The following DSTN variants were observed in gnomAD, a reference collection of about 807,000 sequenced individuals.
The protein encoded by DSTN is destrin, actin depolymerizing factor.
A neutral mutation model predicts 16.8 loss-of-function variants in DSTN; 10 were observed. The observed-to-expected ratio is 0.60, with a 90% CI of 0.37 to 1.01. The LOEUF (loss-of-function observed/expected upper bound fraction) is 1.01, where lower values mean the gene tolerates loss of function less well. Ranked by LOEUF, DSTN falls within the 50% of genes least tolerant of loss-of-function variation. The pLI, the probability that DSTN is intolerant of heterozygous loss-of-function variation, is 0.01. For missense variants in DSTN, 141 were observed against 196.7 expected (o/e 0.72, Z 1.69); for synonymous variants, 57 against 58.9 (o/e 0.97, Z 0.14).
chr20:17,591,798 G>A (rs576981317), intron 1 of DSTN: 1 of 717,490 alleles, frequency 1.4e-6, no homozygotes, highest in South Asian at 6.3e-5. Flanking sequence ...TAGCTAGTTA[G>A]TAGAGGAATG....
chr20:17,576,452 G>A (rs1040756021), intron 1 of DSTN: 1 of 161,612 alleles, frequency 6.2e-6, no homozygotes, highest in Non-Finnish European at 1.5e-5. Context: ...CAGATCAGCC[G>A]AATCAACCCT....
chr20:17,583,489 G>A (rs888067529), intron 1 of DSTN, among the ~76,000 whole-genome samples: 1 of 152,134 alleles, frequency 6.6e-6, no homozygotes, highest in Non-Finnish European at 1.5e-5. Context: ...ATCCATGCAA[G>A]GGAAGGGAAT....
rs1270391584 is a variant in DSTN at position 17,600,826 on chromosome 20, A to G, written c.92A>G (p.Lys31Arg). 6.2e-7 allele frequency: 1 copy of G among 1,613,864 alleles called. No homozygotes were observed. The highest frequency in any genetic ancestry group is 1.1e-5 in the South Asian group (1 of 91,058). ...RKCSTPEEIK[K>R]RKKAVIFCLS... Reference sequence around the variant, plus strand: ...TGCTCCACACCAGAAGAAATCAAGAAAAGAAAGAAGGCTGTCATTTTTTGT... The same window carrying G: ...TGCTCCACACCAGAAGAAATCAAGAGAAGAAAGAAGGCTGTCATTTTTTGT... The change falls in exon 2 of 4, where the codon AAA becomes AGA. Residue 31 changes from lysine to arginine, a missense_variant. By Grantham distance (26) the Lys-to-Arg change is conservative (BLOSUM62 2). Transcript: ENST00000246069.
At position 17,609,318 on chromosome 20, in the gene DSTN, C is replaced by G. The variant is rs769932537; in HGVS notation, c.*2172C>G. ...TCTTGGGCTCCAGCAAGCCTCCTGC[C>G]TTGGCCTCCTAAAGTGCTGTGATTA... On this transcript the variant is annotated 3_prime_UTR_variant, in exon 4 of 4. Coordinates refer to ENST00000246069, the MANE Select transcript of DSTN (RefSeq NM_006870.4). The G allele has an allele frequency of 6.6e-6, 1 of 152,296 alleles. No individual in the cohort carries two copies. Among genetic ancestry groups the G allele is most frequent in the African/African-American group, 2.4e-5 (1 of 41,442 alleles). 9.4% of individuals were successfully genotyped at this position (152,296 alleles called of 1,614,324 possible).
intron 1 of DSTN, among the ~76,000 whole-genome samples, chr20:17,588,497 T>C (rs1361721815): frequency 2.6e-5 from 4 of 152,142 alleles, no homozygotes; most frequent in Admixed American, 2.6e-4. Flanking sequence ...AAAAGGAACA[T>C]TTGGCTGGGC....
intron 1 of DSTN, among the ~76,000 whole-genome samples, chr20:17,593,371 G>A (rs368307726): frequency 6.6e-6 from 1 of 152,006 alleles, no homozygotes; most frequent in African/African-American, 2.4e-5. Context: ...ACTGATCTTT[G>A]ATTTTTTTTT....
intron 2 of DSTN, among the ~76,000 whole-genome samples, chr20:17,601,775 C>T (rs1033499108): frequency 6.6e-6 from 1 of 152,058 alleles, no homozygotes; most frequent in South Asian, 2.1e-4. Context: ...TTTAGTTATT[C>T]TGGTCTTTTC....
At chr20:17,590,670 T>A (rs1338180005) in intron 1 of DSTN, among the ~76,000 whole-genome samples, 3 of 152,262 alleles carry the variant, frequency 2.0e-5, no homozygotes, top group Non-Finnish European at 1.5e-5. Flanking sequence ...CCTTTAATGG[T>A]CTTTATTGTT....
chr20:17,596,890 A>G (rs2035532343), intron 1 of DSTN: 1 of 833,654 alleles, frequency 1.2e-6, no homozygotes, highest in Admixed American at 6.2e-5. Flanking sequence ...GATTTAATTT[A>G]CAAATCAGAA....
intron 1 of DSTN, among the ~76,000 whole-genome samples, chr20:17,571,036 C>T (rs2035199827): frequency 6.6e-6 from 1 of 152,206 alleles, no homozygotes; most frequent in African/African-American, 2.4e-5. Flanking sequence ...CATTAAAATA[C>T]TGGAGTCACC....
chr20:17,593,943 A>G (rs1433163361), intron 1 of DSTN, among the ~76,000 whole-genome samples: 1 of 151,988 alleles, frequency 6.6e-6, no homozygotes, highest in African/African-American at 2.4e-5. Context: ...TTAGCTGGGC[A>G]TGGTGGCACG....
intron 3 of DSTN, among the ~76,000 whole-genome samples, chr20:17,606,544 T>C (rs932315064): frequency 2.0e-5 from 3 of 152,222 alleles, no homozygotes; most frequent in Non-Finnish European, 4.4e-5. Flanking sequence ...AGACCTGCCT[T>C]TTAGCTTTTT....
intron 1 of DSTN, among the ~76,000 whole-genome samples, chr20:17,578,313 C>A (rs2035302153): frequency 6.6e-6 from 1 of 152,160 alleles, no homozygotes; most frequent in South Asian, 2.1e-4. Context: ...AGAGGGTATT[C>A]TTAATTATGA....
At chr20:17,603,088 C>T (rs2035604396) in intron 2 of DSTN, among the ~76,000 whole-genome samples, 1 of 152,176 alleles carries the variant, frequency 6.6e-6, no homozygotes, top group South Asian at 2.1e-4. Context: ...GTTGTGATGG[C>T]TCTGCCTCCT....
intron 3 of DSTN, among the ~76,000 whole-genome samples, chr20:17,605,434 G>A (rs540258542): frequency 3.4e-4 from 52 of 152,352 alleles, no homozygotes; most frequent in South Asian, 2.3e-3. Flanking sequence ...AGCTGAGTGA[G>A]CCAAGGTCAC....
intron 1 of DSTN, among the ~76,000 whole-genome samples, chr20:17,575,671 A>T (rs953900481): frequency 4.6e-5 from 7 of 152,126 alleles, no homozygotes; most frequent in African/African-American, 1.7e-4. Context: ...TAAAGATGGG[A>T]TTTATAAATA....
intron 1 of DSTN, among the ~76,000 whole-genome samples, chr20:17,584,850 T>G (rs544387020): frequency 6.4e-4 from 97 of 152,252 alleles, no homozygotes; most frequent in Non-Finnish European, 1.3e-3. Flanking sequence ...AAGTAAGTCA[T>G]AAGTATTTCC....
chr20:17,584,204 A>G (rs968293128), intron 1 of DSTN, among the ~76,000 whole-genome samples: 1 of 152,214 alleles, frequency 6.6e-6, no homozygotes, highest in Admixed American at 6.5e-5. Context: ...AAATTGTTTA[A>G]TAATATCATG....
At position 17,608,967 on chromosome 20, in the gene DSTN, G is replaced by T. The variant is rs1007359239; in HGVS notation, c.*1821G>T. ...TTCAGTATAGTAACGTGCTGTCCAGGTTTGTGGTCTAGGAGTAATAGGCTC... is the reference window on the plus strand; with the variant it reads ...TTCAGTATAGTAACGTGCTGTCCAGTTTTGTGGTCTAGGAGTAATAGGCTC... On this transcript the variant is annotated 3_prime_UTR_variant, in exon 4 of 4. Transcript: ENST00000246069. 3.9e-5 allele frequency: 6 copies of T among 152,162 alleles called. No individual in the cohort carries two copies. The highest frequency in any genetic ancestry group is 2.6e-4 in the Admixed American group (4 of 15,268). The allele number at this position is 152,162 out of a possible 1,614,324, so 9.4% of individuals were successfully genotyped here. A position where few individuals can be genotyped will look rare whatever the true frequency, so the allele number is the denominator to read the frequency against.
Sources: gnomAD v4.1 joint callset for allele counts (sites outside exome capture counted in the v4.1 genomes callset) on GRCh38, gnomAD v4.1.1 for gene constraint, MANE v1.5 for transcripts, NCBI Gene and HGNC (gene_info 2026-07-23, HGNC 2026-07-21) for gene names.